Variants in SMNDC1 observed in about 807,000 individuals in gnomAD.
The protein encoded by SMNDC1 is survival motor neuron domain containing 1, also known as survival of motor neuron-related-splicing factor 30.
A neutral mutation model predicts 29.2 loss-of-function variants in SMNDC1; 5 were observed. The observed-to-expected ratio is 0.17, with a 90% CI of 0.09 to 0.36. The LOEUF is 0.36. Ranked by LOEUF, SMNDC1 falls within the 10% of genes least tolerant of loss-of-function variation. SMNDC1 has a pLI of 1.00. For synonymous variants in SMNDC1, 80 were observed against 89.9 expected (o/e 0.89, Z 0.62); for missense variants, 142 against 268.5 (o/e 0.53, Z 3.29).
intron 2 of SMNDC1, among the ~76,000 whole-genome samples, chr10:110,301,607 G>A (rs942625057): frequency 6.6e-6 from 1 of 152,170 alleles, no homozygotes; most frequent in Non-Finnish European, 1.5e-5. Flanking sequence ...CAGCTCCTAA[G>A]TAAACCTAGC....
rs1368146706 is a variant in SMNDC1, at chr10:110,303,560, C to A, written c.28G>T (p.Ala10Ser). The part of the protein sequence containing the change: MSEDLAKQL[A>S]SYKAQLQQVE... ...TGCTGGAGCTGAGCTTTGTAGCTTG[C>A]CAGCTGCTTTGCTAAATCCTCTGAC... The change falls in exon 2 of 6, where the codon GCA (alanine) becomes TCA (serine). Residue 10 changes from alanine (A) to serine (S), a missense_variant. Ala to Ser is a moderately conservative substitution (Grantham distance 99, BLOSUM62 1). This residue lies in a region of SMNDC1 where 20 missense variants were observed against 21.4 expected (regional missense o/e 0.93). Transcript: ENST00000369603. 6.3e-7 allele frequency: 1 copy of A among 1,583,158 alleles called. No homozygotes were observed. Among genetic ancestry groups the A allele is most frequent in the East Asian group, 2.4e-5 (1 of 42,392 alleles).
chr10:110,292,922 T>A lies in SMNDC1; in HGVS notation c.*1228A>T, dbSNP rs1857515234. 6.6e-6 allele frequency: 1 copy of A among 151,758 alleles called. No homozygotes were observed. The allele number at this position is 151,758 out of a possible 1,614,324, so 9.4% of individuals were successfully genotyped here. A position where few individuals can be genotyped will look rare whatever the true frequency, so the allele number is the denominator to read the frequency against. ...CTAATGGAAGGAATACTTAAGCATT[T>A]ACTGAAACCTCTCACACACTCAGTA... On this transcript the variant is annotated 3_prime_UTR_variant, in exon 6 of 6. Coordinates refer to ENST00000369603, the MANE Select transcript of SMNDC1 (RefSeq NM_005871.4).
intron 3 of SMNDC1, 26 bp downstream of exon 3, chr10:110,298,622 G>C (rs376783408): frequency 5.9e-5 from 93 of 1,573,412 alleles, no homozygotes; most frequent in Middle Eastern, 3.4e-4. Context: ...TCATGTTATA[G>C]TTAGAGTTTT....
In SMNDC1 at chr10:110,296,711, C is replaced by A. The variant is rs973436891; in HGVS notation, c.425+856G>T. ...AAGCTCAAATGTGATCACATCATAT[C>A]CCCTCTACTTAAAATGTTATCGGTG... is the stretch of plus-strand genomic sequence containing the variant. On this transcript the variant is annotated intron_variant, in intron 4 of 5. Coordinates refer to ENST00000369603, the MANE Select transcript of SMNDC1 (RefSeq NM_005871.4). 3.9e-5 allele frequency among the ~76,000 whole-genome samples: 6 copies of A among 152,128 alleles called. 1 individual carries two copies. The highest frequency in any genetic ancestry group is 4.1e-4 in the South Asian group (2 of 4,828).
In SMNDC1 at chr10:110,298,810, A is replaced by C. The variant is rs1337989704; in HGVS notation, c.121-20T>G. The C allele has an allele frequency of 1.3e-6, 2 of 1,576,836 alleles. No homozygotes were observed. The highest frequency in any genetic ancestry group is 1.7e-6 in the Non-Finnish European group (2 of 1,151,500). On this transcript the variant is annotated intron_variant, in intron 2 of 5. Coordinates refer to ENST00000369603, the MANE Select transcript of SMNDC1 (RefSeq NM_005871.4). The stretch of plus-strand genomic sequence containing the variant: ...AACTTCCTAAAAAAGAAAAACAAAA[A>C]CTACAACATTATTTTTATAATTCTC...
Position 110,303,573 on chromosome 10 carries a change from T to G in SMNDC1, c.15A>C (p.Leu5Phe). The G allele has an allele frequency of 2.5e-6, 4 of 1,584,740 alleles. No homozygotes were observed. Among genetic ancestry groups the G allele is most frequent in the Non-Finnish European group, 3.4e-6 (4 of 1,169,658 alleles). The part of the protein sequence containing the change: MSED[L>F]AKQLASYKAQ... ...CTTTGTAGCTTGCCAGCTGCTTTGC[T>G]AAATCCTCTGACATCTAGGGAAAAT... The change falls in exon 2 of 6, where the codon TTA (leucine) becomes TTC (phenylalanine). Residue 5 changes from leucine to phenylalanine, a missense_variant. This residue lies in a region of SMNDC1 where 20 missense variants were observed against 21.4 expected (regional missense o/e 0.93). Coordinates refer to ENST00000369603, the MANE Select transcript of SMNDC1 (RefSeq NM_005871.4).
chr10:110,297,803 T>C, intron 3 of SMNDC1, 75 bp from the exon 4 acceptor site: 12 of 1,256,102 alleles, frequency 9.6e-6, no homozygotes, highest in South Asian at 1.6e-5. Flanking sequence ...ACTGTAGTGA[T>C]AAAATTATTA....
At position 110,297,445 on chromosome 10, in the gene SMNDC1, A is replaced by T. The variant is rs1857580978; in HGVS notation, c.425+122T>A. Reference sequence around the variant, plus strand: ...AGACAATGTTGACCCTTTGTTGCTAATCTTCAAAACAACGGTAAAACAGTA... The same window carrying T: ...AGACAATGTTGACCCTTTGTTGCTATTCTTCAAAACAACGGTAAAACAGTA... On this transcript the variant is annotated intron_variant, in intron 4 of 5. Coordinates refer to ENST00000369603, the MANE Select transcript of SMNDC1 (RefSeq NM_005871.4). 4.6e-6 allele frequency: 4 copies of T among 875,228 alleles called. No individual in the cohort carries two copies. In the East Asian group the frequency reaches 7.7e-5, roughly 17 times the overall value. 54.2% of individuals were successfully genotyped at this position (875,228 alleles called of 1,614,324 possible). A position where few individuals can be genotyped will look rare whatever the true frequency, so the allele number is the denominator to read the frequency against.
intron 3 of SMNDC1, 80 bp from the exon 4 acceptor site, chr10:110,297,808 T>A (rs1857588057): frequency 8.4e-7 from 1 of 1,197,458 alleles, no homozygotes; most frequent in African/African-American, 1.5e-5. Flanking sequence ...AGTGATAAAA[T>A]TATTACATGT....
Position 110,298,727 on chromosome 10 carries a change from C to T in SMNDC1, c.184G>A (p.Asp62Asn). 1 of 1,613,712 alleles carries T rather than the reference C, an allele frequency of 6.2e-7. No homozygotes were observed. Among genetic ancestry groups the T allele is most frequent in the South Asian group, 1.1e-5 (1 of 91,070 alleles). Residue 62 changes from aspartate (D) to asparagine (N), a missense_variant, in exon 3 of 6, where the codon GAC becomes AAC. Asp to Asn is a conservative substitution (Grantham distance 23). Around this residue, in one of 4 missense-constraint regions of SMNDC1, gnomAD observed 65 missense variants for 75.9 expected, o/e 0.86. Transcript: ENST00000369603. Reference protein sequence around the residue: ...TQPSETLASSDSFASTQPTHS... With the variant: ...TQPSETLASSNSFASTQPTHS... Reference sequence around the variant, plus strand: ...GTAGGTTGAGTAGAAGCAAAACTGTCTGAACTTGCAAGCGTCTCAGAAGGT... The same window carrying T: ...GTAGGTTGAGTAGAAGCAAAACTGTTTGAACTTGCAAGCGTCTCAGAAGGT...
intron 4 of SMNDC1, 78 bp from the exon 5 acceptor site, chr10:110,295,459 A>C (rs1857551684): frequency 2.6e-6 from 2 of 776,966 alleles, no homozygotes; most frequent in East Asian, 8.0e-5. Flanking sequence ...CCGGCAGTGC[A>C]AAAAAAAAAT....
chr10:110,296,531 T>C (rs1284918581), intron 4 of SMNDC1, among the ~76,000 whole-genome samples: 1 of 152,194 alleles, frequency 6.6e-6, no homozygotes, highest in Non-Finnish European at 1.5e-5. Context: ...TTGTGGCAAA[T>C]ATGCAGAAGT....
At position 110,290,998 on chromosome 10, in the gene SMNDC1, C is replaced by G. The variant is rs1564731700; in HGVS notation, c.*3152G>C. 1 of 152,108 alleles carries G rather than the reference C, an allele frequency of 6.6e-6. No individual in the cohort carries two copies. The highest frequency in any genetic ancestry group is 1.5e-5 in the Non-Finnish European group (1 of 68,020). The allele number at this position is 152,108 out of a possible 1,614,324, so 9.4% of individuals were successfully genotyped here. The stretch of plus-strand genomic sequence containing the variant: ...AGACATTTGGCATTAGAATTGCATA[C>G]TGGAAACAGACACACACCCTTCATT... On this transcript the variant is annotated 3_prime_UTR_variant, in exon 6 of 6. Transcript: ENST00000369603.
At chr10:110,295,407 A>G (rs373256099) in intron 4 of SMNDC1, 26 bp from the exon 5 acceptor site, 35 of 1,552,244 alleles carry the variant, frequency 2.3e-5, no homozygotes, top group Non-Finnish European at 3.0e-5. Context: ...TTAAATGTCA[A>G]CTGTTAAGAC....
chr10:110,298,205 T>C lies in SMNDC1; in HGVS notation c.263+443A>G, dbSNP rs571137341. Among the ~76,000 whole-genome samples, 99 of 152,174 alleles carry C rather than the reference T, an allele frequency of 6.5e-4. 1 individual carries two copies. Among genetic ancestry groups the C allele is most frequent in the African/African-American group, 2.3e-3 (95 of 41,510 alleles). ...GGTTTCACCATGTTGGTCAGGCTGC[T>C]CTCCAACTCCTGACCTCAAGCGATC... On this transcript the variant is annotated intron_variant, in intron 3 of 5. Coordinates refer to ENST00000369603, the MANE Select transcript of SMNDC1 (RefSeq NM_005871.4).
At chr10:110,304,639 G>T (rs1857715887) in intron 1 of SMNDC1, 109 bp downstream of exon 1, 1 of 152,306 alleles carries the variant, frequency 6.6e-6, no homozygotes, top group Non-Finnish European at 1.5e-5. Flanking sequence ...CAGGGCCAGC[G>T]CCTGGGCGTC....
In SMNDC1 at chr10:110,291,363, T is replaced by C. The variant is rs1008215118; in HGVS notation, c.*2787A>G. The stretch of plus-strand genomic sequence containing the variant: ...TAGTATACAAATTAGTTCAAACCTT[T>C]AACTAGGAATACTAAATATACCCTA... On this transcript the variant is annotated 3_prime_UTR_variant, in exon 6 of 6. Transcript: ENST00000369603. 3 of 152,192 alleles carry C rather than the reference T, an allele frequency of 2.0e-5. No individual in the cohort carries two copies. The highest frequency in any genetic ancestry group is 7.2e-5 in the African/African-American group (3 of 41,460). 9.4% of individuals were successfully genotyped at this position (152,192 alleles called of 1,614,324 possible). A position where few individuals can be genotyped will look rare whatever the true frequency, so the allele number is the denominator to read the frequency against.
chr10:110,297,518 T>C, intron 4 of SMNDC1, 49 bp downstream of exon 4: 1 of 1,563,388 alleles, frequency 6.4e-7, no homozygotes. Flanking sequence ...ACTTCAAGTA[T>C]CCAAATGGGG....
chr10:110,298,691 T>C lies in SMNDC1; in HGVS notation c.220A>G (p.Lys74Glu). Residue 74 changes from lysine to glutamate, a missense_variant, in exon 3 of 6, where the codon AAA becomes GAA. Coordinates refer to ENST00000369603, the MANE Select transcript of SMNDC1 (RefSeq NM_005871.4). ...FASTQPTHSW[K>E]VGDKCMAVWS... is the part of the protein sequence containing the mutation. ...ACTGCCATACACTTGTCTCCTACTT[T>C]CCATGAATGAGTAGGTTGAGTAGAA... 1 of 1,613,534 alleles carries C rather than the reference T, an allele frequency of 6.2e-7. No homozygotes were observed.
Sources: allele counts gnomAD v4.1 joint callset (sites outside exome capture counted in the v4.1 genomes callset), GRCh38; gene constraint gnomAD v4.1.1; regional missense constraint gnomAD v4.1.1; transcripts MANE v1.5; gene names NCBI Gene and HGNC (gene_info 2026-07-23, HGNC 2026-07-21).